Variants in PDE4A observed in about 807,000 individuals in gnomAD.
PDE4A encodes phosphodiesterase 4A, also known as 3',5'-cyclic-AMP phosphodiesterase 4A.
Under a neutral mutation model 73.9 loss-of-function variants are expected in PDE4A, and 21 were observed. The ratio of observed to expected loss-of-function variants is 0.28; its 90% CI spans 0.20 to 0.41. The LOEUF (loss-of-function observed/expected upper bound fraction) is 0.41, where lower values mean the gene tolerates loss of function less well. Among genes scored for constraint, PDE4A ranks in the 10% least tolerant of loss-of-function variants. The probability of loss-of-function intolerance (pLI) is 1.00; values close to 1 mark genes in which losing one functional copy is unlikely to be tolerated. For synonymous variants in PDE4A, 463 were observed against 505.4 expected, an observed-to-expected ratio of 0.92 and a Z score of 1.13; for missense variants, 958 against 1,211.4, an observed-to-expected ratio of 0.79 and a Z score of 3.10.
In PDE4A at chr19:10,424,685, C is replaced by T. The variant is rs2042693347; in HGVS notation, c.320+3601C>T. Among the ~76,000 whole-genome samples, 2 of 152,252 alleles carry T rather than the reference C, an allele frequency of 1.3e-5. No homozygotes were observed. Among genetic ancestry groups the T allele is most frequent in the Non-Finnish European group, 2.9e-5 (2 of 68,048 alleles). The stretch of plus-strand genomic sequence containing the variant: ...GCTGCGTGTGGGGTCCTCGCCCTCC[C>T]GGGCTTGGGACCAGGCCGCTTTCCC... On this transcript the variant is annotated intron_variant, in intron 1 of 14. Transcript: ENST00000380702. The surrounding 1 kb of genome is among the most constrained non-coding windows in gnomAD (Gnocchi z 4.8).
upstream of PDE4A, chr19:10,417,731 C>T (rs1371419286): frequency 6.3e-7 from 1 of 1,589,858 alleles, no homozygotes; most frequent in African/African-American, 1.3e-5. Context: ...CTCGCCGCCG[C>T]CTCTCGTCCG....
chr19:10,420,996 G>T lies in PDE4A; in HGVS notation c.232G>T (p.Gly78Cys). The change falls in exon 1 of 15, where the codon GGC becomes TGC. Residue 78 changes from glycine (G) to cysteine (C), a missense_variant. By Grantham distance (159) the Gly-to-Cys change is radical. Coordinates refer to ENST00000380702, the MANE Select transcript of PDE4A (RefSeq NM_001111307.2). The surrounding 1 kb of genome is among the most constrained non-coding windows in gnomAD (Gnocchi z 6.0). The stretch of plus-strand genomic sequence containing the variant: ...TGCCATGGACACCAGCGACCGGCCC[G>T]GCCTGCGCACGACCCGCATGTCCTG... Reference protein sequence around the residue: ...ADAMDTSDRPGLRTTRMSWPS... With the variant: ...ADAMDTSDRPCLRTTRMSWPS... 1.3e-6 allele frequency: 2 copies of T among 1,525,272 alleles called. No individual in the cohort carries two copies. Among genetic ancestry groups the T allele is most frequent in the Non-Finnish European group, 1.7e-6 (2 of 1,145,132 alleles). 94.5% of individuals were successfully genotyped at this position (1,525,272 alleles called of 1,614,324 possible).
intron 1 of PDE4A, among the ~76,000 whole-genome samples, chr19:10,444,815 G>C (rs140539236): frequency 0.011 from 1,659 of 152,102 alleles, 11 homozygotes; most frequent in South Asian, 0.05. Context: ...TGGGATTACA[G>C]GCATCCACCA....
In PDE4A at chr19:10,461,700, G is replaced by GGGGGGGGGGGGGGGC; in HGVS notation, c.1620+20_1620+21insGGGGGGGGGGGGGGC. The GGGGGGGGGGGGGGGC allele has an allele frequency of 1.7e-6, 1 of 598,442 alleles. No homozygotes were observed. Among genetic ancestry groups the GGGGGGGGGGGGGGGC allele is most frequent in the Non-Finnish European group, 3.1e-6 (1 of 318,862 alleles). 37.1% of individuals were successfully genotyped at this position (598,442 alleles called of 1,614,324 possible). On this transcript the variant is annotated intron_variant, in intron 12 of 14. Transcript: ENST00000380702. ...GACATGGTGGGCGGGGCTGGGGCGG[G>GGGGGGGGGGGGGGGC]ACGGAGCGGGAAAGGAAGCCTAGGA... is the stretch of plus-strand genomic sequence containing the variant.
At chr19:10,450,509 A>C in intron 4 of PDE4A, 94 bp from the exon 5 acceptor site, 1 of 1,487,968 alleles carries the variant, frequency 6.7e-7, no homozygotes, top group Non-Finnish European at 8.9e-7. Context: ...GTTTTCAGAC[A>C]AATGAAAATT....
chr19:10,466,820 C>A, intron 14 of PDE4A, 67 bp from the exon 15 acceptor site: 3 of 1,544,824 alleles, frequency 1.9e-6, no homozygotes, highest in Non-Finnish European at 2.6e-6. Context: ...ATTTCATTAG[C>A]TCCCATAATG....
chr19:10,447,752 C>T (rs1050015735), intron 2 of PDE4A, among the ~76,000 whole-genome samples: 7 of 152,122 alleles, frequency 4.6e-5, no homozygotes, highest in Admixed American at 3.3e-4. Flanking sequence ...TCTCACCTGA[C>T]CCACCCTCTG....
At chr19:10,417,605 G>C (rs545056853), upstream of PDE4A, 24 of 1,520,998 alleles carry the variant, frequency 1.6e-5, no homozygotes, top group Non-Finnish European at 2.1e-5. Flanking sequence ...TTGGGGAGAG[G>C]GGCTCAGAGC....
rs201466320 is a variant in PDE4A at position 10,446,272 on chromosome 19, G to C, written c.375G>C (p.Ser125=). ...CTCCTGGCCGCAGCCCCCTGGACTC[G>C]CAGGCGAGCCCAGGACTCGTGCTGC... ...TPSPGRSPLD[S]QASPGLVLHA... is the part of the protein sequence containing the mutation. Residue 125 remains serine, a synonymous_variant, in exon 2 of 15, where the codon TCG becomes TCC. Transcript: ENST00000380702. 1 of 1,603,870 alleles carries C rather than the reference G, an allele frequency of 6.2e-7. No individual in the cohort carries two copies. The highest frequency in any genetic ancestry group is 8.5e-7 in the Non-Finnish European group (1 of 1,175,414).
intron 1 of PDE4A, among the ~76,000 whole-genome samples, chr19:10,435,254 G>A (rs1568368916): frequency 6.6e-6 from 1 of 152,114 alleles, no homozygotes; most frequent in Non-Finnish European, 1.5e-5. Context: ...ATCTGAAAGT[G>A]TCACCAAATG....
chr19:10,419,818 C>G (rs143623416), upstream of PDE4A, among the ~76,000 whole-genome samples: 2 of 152,312 alleles, frequency 1.3e-5, no homozygotes, highest in African/African-American at 4.8e-5. Flanking sequence ...AGTCCCCAGG[C>G]CACCTGAAAA....
chr19:10,451,438 G>A (rs191010111), intron 6 of PDE4A, among the ~76,000 whole-genome samples: 8 of 152,284 alleles, frequency 5.3e-5, no homozygotes, highest in African/African-American at 1.9e-4. Context: ...CTGCGGGGGT[G>A]TATCTGCGGC....
chr19:10,417,824 G>T (rs1170062016), upstream of PDE4A: 2 of 1,558,572 alleles, frequency 1.3e-6, no homozygotes, highest in Non-Finnish European at 1.7e-6. Flanking sequence ...TGCCGCTGCT[G>T]ATCCCACCGC....
At chr19:10,422,146 G>A (rs1162830324) in intron 1 of PDE4A, among the ~76,000 whole-genome samples, 1 of 152,174 alleles carries the variant, frequency 6.6e-6, no homozygotes, top group Admixed American at 6.5e-5. Flanking sequence ...GACAGTGATT[G>A]TGCAATGGTG....
At chr19:10,465,430 G>A (rs2043349874) in intron 14 of PDE4A, among the ~76,000 whole-genome samples, 1 of 151,610 alleles carries the variant, frequency 6.6e-6, no homozygotes, top group Admixed American at 6.6e-5. Context: ...ATGTTGGTCA[G>A]GCTGGTCTCG....
intron 1 of PDE4A, among the ~76,000 whole-genome samples, chr19:10,436,593 A>G (rs2042868382): frequency 6.6e-6 from 1 of 152,172 alleles, no homozygotes; most frequent in Admixed American, 6.5e-5. Flanking sequence ...ATGTTAACTT[A>G]TAGAGTGGGT....
At chr19:10,428,639 TC>T in intron 1 of PDE4A, 1 of 288,710 alleles carries the variant, frequency 3.5e-6, no homozygotes, top group Non-Finnish European at 5.2e-6. Flanking sequence ...TATGTGTCCA[TC>T]CATGGGGTGA....
At chr19:10,462,552 G>T (rs2043291692) in intron 13 of PDE4A, among the ~76,000 whole-genome samples, 1 of 152,108 alleles carries the variant, frequency 6.6e-6, no homozygotes, top group Non-Finnish European at 1.5e-5. Context: ...AAACTCCTGA[G>T]CTGAAGTTAT....
chr19:10,461,415 G>A, intron 11 of PDE4A, 111 bp from the exon 12 acceptor site: 1 of 1,540,178 alleles, frequency 6.5e-7, no homozygotes, highest in South Asian at 1.2e-5. Context: ...CTGGGCTGGA[G>A]GCGAGGCTGG....
Sources: gnomAD v4.1 joint callset for allele counts (sites outside exome capture counted in the v4.1 genomes callset) on GRCh38, gnomAD v4.1.1 for gene constraint, Gnocchi (gnomAD v3.1) non-coding constraint, MANE v1.5 for transcripts, NCBI Gene and HGNC (gene_info 2026-07-23, HGNC 2026-07-21) for gene names.